ASTN2: variants seen among roughly 807,000 people sequenced by gnomAD.
ASTN2 encodes astrotactin-2.
Under a neutral mutation model 139.8 loss-of-function variants are expected in ASTN2, and 54 were observed. The ratio of observed to expected loss-of-function variants is 0.39; its 90% CI spans 0.31 to 0.48. The LOEUF (loss-of-function observed/expected upper bound fraction) is 0.48, where lower values mean the gene tolerates loss of function less well. ASTN2 is among the 20% of genes least tolerant of loss of function. The pLI is 0.95. For missense variants in ASTN2, 1,565 were observed against 1,725.1 expected (o/e 0.91, Z 1.64); for synonymous variants, 756 against 719.5 (o/e 1.05, Z -0.81).
chr9:116,514,109 T>C (rs1357335220), intron 19 of ASTN2, among the ~76,000 whole-genome samples: 9 of 150,912 alleles, frequency 6.0e-5, no homozygotes, highest in African/African-American at 1.9e-4. Flanking sequence ...TTCTGCTCTG[T>C]TTTTTTCCCC....
chr9:116,851,199 C>A (rs1832588917), intron 11 of ASTN2, among the ~76,000 whole-genome samples: 1 of 152,100 alleles, frequency 6.6e-6, no homozygotes, highest in Non-Finnish European at 1.5e-5. Flanking sequence ...CATAAAAGAG[C>A]TGCTCTATGC....
chr9:117,195,408 A>C (rs1169428108), intron 3 of ASTN2, among the ~76,000 whole-genome samples: 1 of 152,144 alleles, frequency 6.6e-6, no homozygotes, highest in African/African-American at 2.4e-5. Context: ...GGCAACTTTA[A>C]GTTGGGACTG....
At chr9:116,448,926 C>T (rs1284598453) in intron 20 of ASTN2, among the ~76,000 whole-genome samples, 1 of 152,140 alleles carries the variant, frequency 6.6e-6, no homozygotes, top group Admixed American at 6.5e-5. Flanking sequence ...TCATTCTGAA[C>T]CCAGCTCCAC....
At chr9:116,954,554 C>G (rs1835656694) in intron 10 of ASTN2, among the ~76,000 whole-genome samples, 1 of 152,176 alleles carries the variant, frequency 6.6e-6, no homozygotes, top group Non-Finnish European at 1.5e-5. Flanking sequence ...CCATAAGTAA[C>G]TACTATTACT....
At chr9:116,443,953 T>A (rs538234527) in intron 20 of ASTN2, among the ~76,000 whole-genome samples, 47 of 152,216 alleles carry the variant, frequency 3.1e-4, no homozygotes, top group Non-Finnish European at 5.6e-4. Context: ...TGATTGGCCA[T>A]ACATACTTGT....
chr9:116,484,451 C>T (rs1376076627), intron 20 of ASTN2, among the ~76,000 whole-genome samples: 1 of 152,146 alleles, frequency 6.6e-6, no homozygotes, highest in Non-Finnish European at 1.5e-5. Flanking sequence ...TCTACTGCCG[C>T]ACACAGTCTT....
At chr9:116,917,666 G>A (rs1362712893) in intron 10 of ASTN2, among the ~76,000 whole-genome samples, 2 of 152,162 alleles carry the variant, frequency 1.3e-5, no homozygotes, top group African/African-American at 4.8e-5. Context: ...GTACATTAAT[G>A]ACTTATAAAT....
intron 11 of ASTN2, among the ~76,000 whole-genome samples, chr9:116,821,055 A>G (rs1418839483): frequency 6.6e-6 from 1 of 152,190 alleles, no homozygotes. Flanking sequence ...TGTTGAGAAC[A>G]CTGGCTCACA....
chr9:117,086,057 A>G (rs987188435), intron 5 of ASTN2, among the ~76,000 whole-genome samples: 1 of 152,228 alleles, frequency 6.6e-6, no homozygotes, highest in Non-Finnish European at 1.5e-5. Context: ...GCATTTAGAC[A>G]GGACAGAACA....
intron 6 of ASTN2, among the ~76,000 whole-genome samples, chr9:117,014,539 C>A (rs1238045306): frequency 1.3e-5 from 2 of 152,164 alleles, no homozygotes; most frequent in African/African-American, 4.8e-5. Flanking sequence ...CTGTCATCTT[C>A]TTTCCTTTTG....
At chr9:116,910,584 GC>G (rs1185460656) in intron 10 of ASTN2, among the ~76,000 whole-genome samples, 1 of 152,184 alleles carries the variant, frequency 6.6e-6, no homozygotes, top group African/African-American at 2.4e-5. Flanking sequence ...ACTGGCTGGG[GC>G]CGGAAGTGGA....
intron 11 of ASTN2, among the ~76,000 whole-genome samples, chr9:116,828,357 T>C (rs1831704376): frequency 6.6e-6 from 1 of 150,820 alleles, no homozygotes; most frequent in African/African-American, 2.4e-5. Context: ...AGAAAGATAG[T>C]ACACCATGAC....
At chr9:117,301,205 T>A (rs2130799720) in intron 1 of ASTN2, among the ~76,000 whole-genome samples, 1 of 152,252 alleles carries the variant, frequency 6.6e-6, no homozygotes, top group Non-Finnish European at 1.5e-5. Context: ...TCTTTGTCAT[T>A]TCGCTTCATG....
At chr9:116,690,292 A>G (rs1183959010) in intron 16 of ASTN2, among the ~76,000 whole-genome samples, 1 of 152,190 alleles carries the variant, frequency 6.6e-6, no homozygotes, top group Admixed American at 6.5e-5. Flanking sequence ...TCTAGGTTTT[A>G]TTCCTTGTTT....
intron 1 of ASTN2, among the ~76,000 whole-genome samples, chr9:117,294,283 G>A (rs571787739): frequency 2.0e-5 from 3 of 152,354 alleles, no homozygotes; most frequent in South Asian, 2.1e-4. Context: ...TTGCTACAGC[G>A]ATGAGTGCAC....
chr9:117,070,802 C>T (rs1440694679), intron 5 of ASTN2, among the ~76,000 whole-genome samples: 7 of 151,732 alleles, frequency 4.6e-5, no homozygotes, highest in African/African-American at 1.2e-4. Flanking sequence ...TTGATCGCAT[C>T]GGCTCCTGAG....
intron 2 of ASTN2, among the ~76,000 whole-genome samples, chr9:117,278,650 A>G (rs753589960): frequency 6.6e-6 from 1 of 152,188 alleles, no homozygotes; most frequent in Non-Finnish European, 1.5e-5. Context: ...CTCATCAGGG[A>G]GAGATTAGGA....
At chr9:116,522,364 G>A (rs574671411) in intron 19 of ASTN2, among the ~76,000 whole-genome samples, 5 of 152,236 alleles carry the variant, frequency 3.3e-5, no homozygotes, top group African/African-American at 9.6e-5. Flanking sequence ...GGCATTCACA[G>A]TGACTTGGAT....
At chr9:116,896,871 C>T (rs967722028) in intron 10 of ASTN2, among the ~76,000 whole-genome samples, 4 of 152,152 alleles carry the variant, frequency 2.6e-5, no homozygotes, top group African/African-American at 4.8e-5. Flanking sequence ...TCCCTTGACA[C>T]ATGTGGATTA....
Sources: allele counts gnomAD v4.1 joint callset (sites outside exome capture counted in the v4.1 genomes callset), GRCh38; gene constraint gnomAD v4.1.1; transcripts MANE v1.5; gene names NCBI Gene and HGNC (gene_info 2026-07-23, HGNC 2026-07-21).